The following ESRP1 variants were observed in gnomAD, a reference collection of about 807,000 sequenced individuals.
ESRP1 encodes epithelial splicing regulatory protein 1.
A neutral mutation model predicts 81.7 loss-of-function variants in ESRP1; 33 were observed. The ratio of observed to expected loss-of-function variants is 0.40; its 90% CI spans 0.31 to 0.54. The LOEUF (loss-of-function observed/expected upper bound fraction) is 0.54, where lower values mean the gene tolerates loss of function less well. Ranked by LOEUF, ESRP1 falls within the 20% of genes least tolerant of loss-of-function variation. The pLI is 0.41. For synonymous variants in ESRP1, 320 were observed against 303.3 expected (o/e 1.06, Z -0.57); for missense variants, 672 against 833.1 (o/e 0.81, Z 2.38).
intron 4 of ESRP1, 69 bp downstream of exon 4, chr8:94,646,351 T>C: frequency 2.8e-6 from 3 of 1,068,652 alleles, no homozygotes; most frequent in Non-Finnish European, 4.0e-6. Flanking sequence ...TCAAGAAACT[T>C]TCAAACATTT....
chr8:94,693,783 T>G (rs576496145), intron 14 of ESRP1, among the ~76,000 whole-genome samples: 17 of 152,190 alleles, frequency 1.1e-4, no homozygotes, highest in Non-Finnish European at 1.9e-4. Context: ...TTTACGAGCT[T>G]GGCATCTGTG....
In ESRP1 at chr8:94,641,232, GAGGGTTTAGCAC is replaced by G; in HGVS notation, c.-83_-72del. 1 of 1,286,062 alleles carries G rather than the reference GAGGGTTTAGCAC, an allele frequency of 7.8e-7. No homozygotes were observed. Among genetic ancestry groups the G allele is most frequent in the Non-Finnish European group, 1.1e-6 (1 of 936,966 alleles). 79.7% of individuals were successfully genotyped at this position (1,286,062 alleles called of 1,614,324 possible). A position where few individuals can be genotyped will look rare whatever the true frequency, so the allele number is the denominator to read the frequency against. On this transcript the variant is annotated 5_prime_UTR_variant, in exon 1 of 16. Coordinates refer to ENST00000433389, the MANE Select transcript of ESRP1 (RefSeq NM_017697.4). The stretch of plus-strand genomic sequence containing the variant: ...GGCGCTCTTTCTTTTTCTCTTAGAA[GAGGGTTTAGCAC>G]AGGTTTTTTCGTTCTCACTTCCACA...
At chr8:94,647,938 G>C (rs1318406916) in intron 4 of ESRP1, among the ~76,000 whole-genome samples, 1 of 152,068 alleles carries the variant, frequency 6.6e-6, no homozygotes, top group Admixed American at 6.6e-5. Context: ...GACCAGGAGT[G>C]CTGACACCAG....
rs1819103894 is a variant in ESRP1 at position 94,667,809 on chromosome 8, G to T, written c.932-140G>T. ...CAAATTTAGAAAATTCTGATTTCTA[G>T]GATGTTATTTTGCGTTCAGTAGGAG... On this transcript the variant is annotated intron_variant, in intron 9 of 15. Transcript: ENST00000433389. The T allele has an allele frequency of 1.0e-5, 6 of 576,696 alleles. No individual in the cohort carries two copies. The South Asian group carries it at 1.8e-4, about 17-fold the overall frequency. 35.7% of individuals were successfully genotyped at this position (576,696 alleles called of 1,614,324 possible).
intron 15 of ESRP1, among the ~76,000 whole-genome samples, chr8:94,703,466 ACAGT>A (rs1330503946): frequency 6.6e-6 from 1 of 152,052 alleles, no homozygotes; most frequent in East Asian, 1.9e-4. Context: ...TCATTGTTAC[ACAGT>A]CAAACTCCAC....
In ESRP1 at chr8:94,674,167, G is replaced by A. The variant is rs115121896; in HGVS notation, c.1453-141G>A. 940 of 854,982 alleles carry A rather than the reference G, an allele frequency of 1.1e-3. 9 individuals are homozygous for A. The African/African-American group carries it at 0.015, about 14-fold the overall frequency. The allele number at this position is 854,982 out of a possible 1,614,324, so 53.0% of individuals were successfully genotyped here. A position where few individuals can be genotyped will look rare whatever the true frequency, so the allele number is the denominator to read the frequency against. ...GTGATGAAATGCAAGTCAGGTTCCA[G>A]CAGATCACACCATCACCCGGATTTT... On this transcript the variant is annotated intron_variant, in intron 11 of 15. Transcript: ENST00000433389.
In ESRP1 at chr8:94,704,264, G is replaced by A. The variant is rs564997927; in HGVS notation, c.*36-1661G>A. 5.1e-4 allele frequency among the ~76,000 whole-genome samples: 75 copies of A among 145,682 alleles called. 1 individual carries two copies. The highest frequency in any genetic ancestry group is 1.8e-3 in the African/African-American group (70 of 38,776). On this transcript the variant is annotated intron_variant, in intron 15 of 15. Coordinates refer to ENST00000433389, the MANE Select transcript of ESRP1 (RefSeq NM_017697.4). ...ATTAGACATTTCATACTGGCCATATGAAATAAGACTGAAGTCTAAAACATT... is the reference window on the plus strand; with the variant it reads ...ATTAGACATTTCATACTGGCCATATAAAATAAGACTGAAGTCTAAAACATT...
At chr8:94,688,448 C>T in intron 13 of ESRP1, 3 of 267,936 alleles carry the variant, frequency 1.1e-5, no homozygotes, top group South Asian at 4.7e-5. Flanking sequence ...GTGTGATCAT[C>T]CTCAGATTTC....
intron 13 of ESRP1, among the ~76,000 whole-genome samples, chr8:94,679,292 CAGCT>C (rs1221974402): frequency 6.6e-6 from 1 of 152,148 alleles, no homozygotes; most frequent in Non-Finnish European, 1.5e-5. Context: ...TGACAGTTGT[CAGCT>C]AGCTGTCTTC....
Position 94,692,794 on chromosome 8 carries a change from TAAGGA to T in ESRP1, c.1941_1945del (p.Lys647AsnfsTer3). 1 of 1,613,784 alleles carries T rather than the reference TAAGGA, an allele frequency of 6.2e-7. No individual in the cohort carries two copies. The highest frequency in any genetic ancestry group is 8.5e-7 in the Non-Finnish European group (1 of 1,179,818). The stretch of plus-strand genomic sequence containing the variant: ...AGGGCCTGGCCTACAATACTGGAGT[TAAGGA>T]AATTCTTAACTTCTTCCAAGGTTAC... On this transcript the variant is annotated frameshift_variant, in exon 14 of 16. Transcript: ENST00000433389. LOFTEE classifies it high-confidence loss of function.
chr8:94,697,541 G>A (rs1809652986), intron 15 of ESRP1, among the ~76,000 whole-genome samples: 1 of 152,092 alleles, frequency 6.6e-6, no homozygotes, highest in Admixed American at 6.5e-5. Context: ...TGCTTCATTT[G>A]TTTTTATGAC....
At chr8:94,690,294 TTTTTTTTTTTG>T (rs1344497391) in intron 13 of ESRP1, among the ~76,000 whole-genome samples, 13 of 105,894 alleles carry the variant, frequency 1.2e-4, no homozygotes, top group African/African-American at 3.7e-4. Context: ...TTTTTTTTTT[TTTTTTTTTTTG>T]GATTTTTAGT....
In ESRP1 at chr8:94,641,735, G is replaced by T. The variant is rs1331931741; in HGVS notation, c.133-221G>T. 1.1e-5 allele frequency: 8 copies of T among 725,140 alleles called. No individual in the cohort carries two copies. In the African/African-American group the frequency reaches 1.5e-4, roughly 14 times the overall value. The allele number at this position is 725,140 out of a possible 1,614,324, so 44.9% of individuals were successfully genotyped here. A position where few individuals can be genotyped will look rare whatever the true frequency, so the allele number is the denominator to read the frequency against. ...CTCCGCCGAGACGAGGTGGGGTCTCGGAGGCCCCGGGGTCCACTTCCAGGG... is the reference window on the plus strand; with the variant it reads ...CTCCGCCGAGACGAGGTGGGGTCTCTGAGGCCCCGGGGTCCACTTCCAGGG... On this transcript the variant is annotated intron_variant, in intron 1 of 15. Transcript: ENST00000433389.
chr8:94,685,127 A>T (rs746376726), intron 13 of ESRP1, among the ~76,000 whole-genome samples: 2 of 152,024 alleles, frequency 1.3e-5, no homozygotes, highest in African/African-American at 2.4e-5. Context: ...AAATCACCTG[A>T]TAATATTAAT....
chr8:94,643,437 G>GAAAAAAAAA, intron 3 of ESRP1, 21 bp downstream of exon 3: 3 of 1,544,354 alleles, frequency 1.9e-6, no homozygotes, highest in Admixed American at 1.7e-5. Flanking sequence ...TGGCTTCTGG[G>GAAAAAAAAA]AAAAAAATGG....
chr8:94,642,039 C>T lies in ESRP1; in HGVS notation c.216C>T (p.Val72=), dbSNP rs186978010. 7 of 1,613,772 alleles carry T rather than the reference C, an allele frequency of 4.3e-6. No homozygotes were observed. The highest frequency in any genetic ancestry group is 1.7e-5 in the Admixed American group (1 of 60,028). ...EDCKEETKID[V]ESLSSASQLD... is the part of the protein sequence containing the mutation. The stretch of plus-strand genomic sequence containing the variant: ...GCAAAGAAGAAACTAAAATAGACGT[C>T]GAAAGCCTGTCCTCGGCGTCGCAGC... The change falls in exon 2 of 16, where the codon GTC becomes GTT. Residue 72 remains valine, a synonymous_variant. Coordinates refer to ENST00000433389, the MANE Select transcript of ESRP1 (RefSeq NM_017697.4).
At chr8:94,674,645 T>TACC in intron 12 of ESRP1, 139 bp downstream of exon 12, 1 of 679,782 alleles carries the variant, frequency 1.5e-6, no homozygotes. Flanking sequence ...CTGTAATCAG[T>TACC]AGTACCTGGT....
chr8:94,697,900 C>T (rs1405999515), intron 15 of ESRP1, among the ~76,000 whole-genome samples: 2 of 152,120 alleles, frequency 1.3e-5, no homozygotes, highest in African/African-American at 4.8e-5. Context: ...CCTGCCTCAG[C>T]CTCCCGAGTA....
At chr8:94,702,775 G>A (rs1193252545) in intron 15 of ESRP1, among the ~76,000 whole-genome samples, 1 of 152,026 alleles carries the variant, frequency 6.6e-6, no homozygotes, top group Non-Finnish European at 1.5e-5. Context: ...GAGCCGCCAC[G>A]CCCAGCCTTC....
Sources: gnomAD v4.1 joint callset for allele counts (sites outside exome capture counted in the v4.1 genomes callset) on GRCh38, gnomAD v4.1.1 for gene constraint, MANE v1.5 for transcripts, NCBI Gene and HGNC (gene_info 2026-07-23, HGNC 2026-07-21) for gene names.